TRIO: variants seen among roughly 807,000 people sequenced by gnomAD.
The protein encoded by TRIO is trio Rho guanine nucleotide exchange factor.
Under a neutral mutation model 351.9 loss-of-function variants are expected in TRIO, and 58 were observed. That is an observed-to-expected ratio of 0.16 (90% CI 0.13 to 0.21). The LOEUF is 0.21. TRIO is among the 10% of genes least tolerant of loss of function. The pLI is 1.00. For missense variants in TRIO, 3,201 were observed against 4,027.8 expected (o/e 0.79, Z 5.56); for synonymous variants, 1,758 against 1,595.7 (o/e 1.10, Z -2.42).
chr5:14,419,739 C>G, intron 33 of TRIO, 39 bp from the exon 34 acceptor site: 1 of 1,605,548 alleles, frequency 6.2e-7, no homozygotes, highest in African/African-American at 1.3e-5. Context: ...CCATGGCTCA[C>G]ACTGGCTGAC....
intron 19 of TRIO, 33 bp from the exon 20 acceptor site, chr5:14,377,979 C>A: frequency 1.3e-6 from 2 of 1,535,342 alleles, no homozygotes; most frequent in Admixed American, 1.8e-5. Context: ...TGATTGCAAG[C>A]ACCAACATAC....
intron 54 of TRIO, 104 bp from the exon 55 acceptor site, chr5:14,504,289 C>T (rs1757503561): frequency 1.6e-6 from 2 of 1,284,964 alleles, no homozygotes; most frequent in Middle Eastern, 2.0e-4. Flanking sequence ...GGCCTCTGGA[C>T]AGGGCTGGGC....
intron 21 of TRIO, among the ~76,000 whole-genome samples, chr5:14,382,262 T>C (rs908989044): frequency 6.6e-6 from 1 of 152,228 alleles, no homozygotes; most frequent in African/African-American, 2.4e-5. Flanking sequence ...CAGGAATTTT[T>C]CAATCATGTA....
At chr5:14,290,630 C>G in intron 4 of TRIO, 86 bp from the exon 5 acceptor site, 2 of 1,371,224 alleles carry the variant, frequency 1.5e-6, no homozygotes, top group Non-Finnish European at 2.0e-6. Flanking sequence ...ACTTTGAAAA[C>G]CTGTGACTGA....
chr5:14,285,762 T>C (rs1736389687), intron 3 of TRIO, among the ~76,000 whole-genome samples: 2 of 152,106 alleles, frequency 1.3e-5, no homozygotes, highest in Non-Finnish European at 2.9e-5. Context: ...AAACCACATA[T>C]GCGTATTGAG....
At chr5:14,144,326 G>GT (rs1254919006) in intron 1 of TRIO, among the ~76,000 whole-genome samples, 1 of 152,176 alleles carries the variant, frequency 6.6e-6, no homozygotes, top group Non-Finnish European at 1.5e-5. Flanking sequence ...CGGGAAATTG[G>GT]TCTTTGATCT....
intron 46 of TRIO, 92 bp from the exon 47 acceptor site, chr5:14,484,977 C>T (rs1191646234): frequency 4.5e-6 from 6 of 1,334,120 alleles, no homozygotes; most frequent in African/African-American, 1.5e-5. Context: ...ACATAGCCCA[C>T]ATTTTCTTTG....
At chr5:14,187,409 A>G (rs980891131) in intron 1 of TRIO, among the ~76,000 whole-genome samples, 2 of 152,098 alleles carry the variant, frequency 1.3e-5, no homozygotes, top group African/African-American at 4.8e-5. Flanking sequence ...GTCTTTCTGT[A>G]TTACCGAGAA....
rs3994019 is a variant in TRIO at position 14,170,508 on chromosome 5, C to CTT, written c.157+26643_157+26644dup. Among the ~76,000 whole-genome samples, 22 of 133,784 alleles carry CTT rather than the reference C, an allele frequency of 1.6e-4. 1 individual carries two copies. The highest frequency in any genetic ancestry group is 2.1e-4 in the East Asian group (1 of 4,688). 87.8% of individuals were successfully genotyped at this position (133,784 alleles called of 152,430 possible). A position where few individuals can be genotyped will look rare whatever the true frequency, so the allele number is the denominator to read the frequency against. ...GTCACTAAAAGTGAAGCTTCTCTCT[C>CTT]TTTTTTTTTTTTTTTTTTGGAGAAG... On this transcript the variant is annotated intron_variant, in intron 1 of 56. Coordinates refer to ENST00000344204, the MANE Select transcript of TRIO (RefSeq NM_007118.4).
At chr5:14,430,399 C>T (rs544305500) in intron 34 of TRIO, among the ~76,000 whole-genome samples, 2 of 152,152 alleles carry the variant, frequency 1.3e-5, no homozygotes, top group African/African-American at 2.4e-5. Flanking sequence ...AACATTTTTG[C>T]GCTTTTATTT....
chr5:14,420,264 T>C (rs1750009855), intron 34 of TRIO: 1 of 538,748 alleles, frequency 1.9e-6, no homozygotes. Flanking sequence ...TAGTGAGATA[T>C]GACATCAGTT....
intron 33 of TRIO, among the ~76,000 whole-genome samples, chr5:14,409,827 T>C (rs1579573616): frequency 3.3e-5 from 4 of 121,214 alleles, no homozygotes; most frequent in East Asian, 2.2e-4. Flanking sequence ...AGAGCGAGAC[T>C]CCATCTCAAA....
chr5:14,421,331 C>T (rs1351441333), intron 34 of TRIO, among the ~76,000 whole-genome samples: 3 of 147,098 alleles, frequency 2.0e-5, no homozygotes, highest in South Asian at 2.1e-4. Flanking sequence ...TGGCCAGGCA[C>T]GGTGACTCAC....
intron 1 of TRIO, among the ~76,000 whole-genome samples, chr5:14,221,749 A>G (rs865787156): frequency 3.0e-4 from 45 of 151,936 alleles, no homozygotes; most frequent in African/African-American, 1.0e-3. Flanking sequence ...GAATGAGCAA[A>G]GAAAGTGGTT....
At chr5:14,178,254 G>T (rs1789525090) in intron 1 of TRIO, among the ~76,000 whole-genome samples, 1 of 152,212 alleles carries the variant, frequency 6.6e-6, no homozygotes, top group Non-Finnish European at 1.5e-5. Flanking sequence ...TCATTTGTAG[G>T]TGATGGTTGT....
intron 2 of TRIO, among the ~76,000 whole-genome samples, chr5:14,276,533 C>G (rs967762124): frequency 6.6e-6 from 1 of 152,226 alleles, no homozygotes; most frequent in African/African-American, 2.4e-5. Flanking sequence ...TTCTCTTTTT[C>G]ACAAACTGTG....
chr5:14,175,804 T>C (rs1221487683), intron 1 of TRIO, among the ~76,000 whole-genome samples: 1 of 152,176 alleles, frequency 6.6e-6, no homozygotes, highest in East Asian at 1.9e-4. Context: ...TCTGTGCGAG[T>C]CATGAAAATA....
At chr5:14,390,197 C>T (rs747318832) in intron 25 of TRIO, 34 bp from the exon 26 acceptor site, 4 of 1,602,670 alleles carry the variant, frequency 2.5e-6, no homozygotes, top group Non-Finnish European at 3.4e-6. Context: ...TTTAAAACAC[C>T]TTTGTAATAT....
At chr5:14,172,615 C>G (rs544597500) in intron 1 of TRIO, among the ~76,000 whole-genome samples, 1 of 152,298 alleles carries the variant, frequency 6.6e-6, no homozygotes, top group East Asian at 1.9e-4. Flanking sequence ...TGATATCAAA[C>G]CGGAGTGTTG....
Sources: gnomAD v4.1 joint callset for allele counts (sites outside exome capture counted in the v4.1 genomes callset) on GRCh38, gnomAD v4.1.1 for gene constraint, MANE v1.5 for transcripts, NCBI Gene and HGNC (gene_info 2026-07-23, HGNC 2026-07-21) for gene names.